Variants in PCDHGA2 observed in about 807,000 individuals in gnomAD.
PCDHGA2 encodes protocadherin gamma-A2.
A neutral mutation model predicts 59.2 loss-of-function variants in PCDHGA2; 40 were observed. The observed-to-expected ratio is 0.68, with a 90% CI of 0.52 to 0.88. PCDHGA2 has a LOEUF of 0.88. PCDHGA2 is among the 40% of genes least tolerant of loss of function. The probability of loss-of-function intolerance (pLI) is 0.00; values close to 1 mark genes in which losing one functional copy is unlikely to be tolerated. For missense variants in PCDHGA2, 1,226 were observed against 1,204.0 expected (o/e 1.02, Z -0.27); for synonymous variants, 560 against 526.0 (o/e 1.06, Z -0.89).
chr5:141,371,371 A>C (rs745398017), intron 1 of PCDHGA2: 1 of 1,614,032 alleles, frequency 6.2e-7, no homozygotes, highest in Non-Finnish European at 8.5e-7. Context: ...GATGGTGGAC[A>C]TCACACTGCA....
chr5:141,347,293 A>G (rs561898736), intron 1 of PCDHGA2, among the ~76,000 whole-genome samples: 2 of 151,984 alleles, frequency 1.3e-5, no homozygotes, highest in East Asian at 3.9e-4. Flanking sequence ...AGCTGGGACT[A>G]CAGGCACGAG....
intron 1 of PCDHGA2, among the ~76,000 whole-genome samples, chr5:141,363,685 C>T (rs1188372642): frequency 2.6e-5 from 4 of 152,198 alleles, no homozygotes; most frequent in Admixed American, 2.6e-4. Context: ...GCTAATATAA[C>T]TTACATAAAT....
chr5:141,410,246 TCTGACCCCCAGG>T (rs2095371499), intron 1 of PCDHGA2: 2 of 1,614,004 alleles, frequency 1.2e-6, no homozygotes, highest in Admixed American at 3.3e-5. Flanking sequence ...CCCTGTACTC[TCTGACCCCCAGG>T]CTGAACTGCA....
rs368168278 is a variant in PCDHGA2, at chr5:141,419,810, C to T, written c.2425-74997C>T. On this transcript the variant is annotated intron_variant, in intron 1 of 3. Coordinates refer to ENST00000394576, the MANE Select transcript of PCDHGA2 (RefSeq NM_018915.4). ...GCTAGTCGCTGTAAGAGATGGAGGA[C>T]AGCCACCCCTTTCAGCCACTGCCAC... The T allele has an allele frequency of 3.1e-6, 5 of 1,613,946 alleles. No individual in the cohort carries two copies. The Admixed American group carries it at 8.3e-5, about 27-fold the overall frequency.
chr5:141,351,666 A>G, intron 1 of PCDHGA2: 1 of 1,614,014 alleles, frequency 6.2e-7, no homozygotes, highest in Admixed American at 1.7e-5. Flanking sequence ...TCCATTGCAC[A>G]AGTAAGCGCC....
intron 3 of PCDHGA2, among the ~76,000 whole-genome samples, chr5:141,509,381 C>T (rs181928019): frequency 6.6e-6 from 1 of 152,256 alleles, no homozygotes; most frequent in East Asian, 1.9e-4. Flanking sequence ...TGTCTCCTAA[C>T]CACAGAGGAT....
intron 1 of PCDHGA2, chr5:141,411,396 C>G (rs985023346): frequency 2.1e-5 from 3 of 145,420 alleles, no homozygotes; most frequent in African/African-American, 5.1e-5. Context: ...ATAGGGAGAC[C>G]CCCCATCTCT....
chr5:141,491,434 A>T lies in PCDHGA2; in HGVS notation c.2425-3373A>T. 6.2e-7 allele frequency: 1 copy of T among 1,614,032 alleles called. No homozygotes were observed. Among genetic ancestry groups the T allele is most frequent in the Non-Finnish European group, 8.5e-7 (1 of 1,179,988 alleles). On this transcript the variant is annotated intron_variant, in intron 1 of 3. Transcript: ENST00000394576. The surrounding 1 kb of genome is among the most constrained non-coding windows in gnomAD (Gnocchi z 6.9). ...GGACGGGGGTGGAGGGCAGTGCTGC[A>T]GGCGCCAGGACTCACCCTCCCCGGA...
chr5:141,404,540 A>G, intron 1 of PCDHGA2: 2 of 1,613,920 alleles, frequency 1.2e-6, no homozygotes, highest in Non-Finnish European at 1.7e-6. Context: ...AGATTTGCAA[A>G]TGCAGGTGAC....
chr5:141,387,388 T>C (rs1323763140), intron 1 of PCDHGA2, among the ~76,000 whole-genome samples: 3 of 152,196 alleles, frequency 2.0e-5, no homozygotes, highest in Non-Finnish European at 2.9e-5. Flanking sequence ...ATATAGATAG[T>C]GCATGTTTGA....
At chr5:141,464,156 T>C (rs2099077051) in intron 1 of PCDHGA2, among the ~76,000 whole-genome samples, 2 of 151,752 alleles carry the variant, frequency 1.3e-5, no homozygotes, top group Non-Finnish European at 1.5e-5. Context: ...TCCCAGCTAC[T>C]TGGAAGGCTG....
chr5:141,415,920 G>T, intron 1 of PCDHGA2: 1 of 692,798 alleles, frequency 1.4e-6, no homozygotes, highest in Non-Finnish European at 2.0e-6. Context: ...AGAAGTGCCT[G>T]TCAATTTATA....
chr5:141,476,966 G>A lies in PCDHGA2; in HGVS notation c.2425-17841G>A. ...CAACGGTGAAATTATTTACTCCTTC[G>A]GCAGCCACAACCGCGCCGGCGTGCG... On this transcript the variant is annotated intron_variant, in intron 1 of 3. Transcript: ENST00000394576. This position sits in a 1 kb window ranked among gnomAD's most constrained non-coding sequence, Gnocchi z 7.6. 1 of 1,614,152 alleles carries A rather than the reference G, an allele frequency of 6.2e-7. No individual in the cohort carries two copies. The highest frequency in any genetic ancestry group is 8.5e-7 in the Non-Finnish European group (1 of 1,180,032).
At chr5:141,351,523 C>G in intron 1 of PCDHGA2, 1 of 1,614,036 alleles carries the variant, frequency 6.2e-7, no homozygotes, top group Non-Finnish European at 8.5e-7. Context: ...TCATAGCCAC[C>G]GACAAGGGCA....
At chr5:141,356,493 A>C in intron 1 of PCDHGA2, 1 of 1,613,938 alleles carries the variant, frequency 6.2e-7, no homozygotes, top group Non-Finnish European at 8.5e-7. Flanking sequence ...GAACTCCTCC[A>C]CTGTCTACAG....
At chr5:141,433,360 T>C (rs1313053553) in intron 1 of PCDHGA2, 46 of 298,056 alleles carry the variant, frequency 1.5e-4, no homozygotes, top group Non-Finnish European at 2.5e-4. Context: ...ACTGTCTGCC[T>C]ATCTATCTAT....
At chr5:141,364,335 C>A in intron 1 of PCDHGA2, 1 of 1,532,788 alleles carries the variant, frequency 6.5e-7, no homozygotes, top group South Asian at 1.3e-5. Flanking sequence ...AAGGCAATGG[C>A]GAGTCCACCT....
At chr5:141,413,129 A>G in intron 1 of PCDHGA2, 2 of 1,536,352 alleles carry the variant, frequency 1.3e-6, no homozygotes, top group East Asian at 2.3e-5. Context: ...GTTGAAACAC[A>G]CAACGTGTCC....
At chr5:141,362,050 C>G (rs750121912) in intron 1 of PCDHGA2, 8 of 1,611,220 alleles carry the variant, frequency 5.0e-6, no homozygotes, top group Admixed American at 1.7e-5. Flanking sequence ...GGACGCGGCC[C>G]GCCAGCGCCT....
Sources: gnomAD v4.1 joint callset for allele counts (sites outside exome capture counted in the v4.1 genomes callset) on GRCh38, gnomAD v4.1.1 for gene constraint, Gnocchi (gnomAD v3.1) non-coding constraint, MANE v1.5 for transcripts, NCBI Gene and HGNC (gene_info 2026-07-23, HGNC 2026-07-21) for gene names.